IFT25: variants seen among roughly 807,000 people sequenced by gnomAD.
IFT25 encodes the protein intraflagellar transport 25, also known as intraflagellar transport protein 25 homolog.
chr1:53,913,315 G>A, the IFT25 span, among the ~76,000 whole-genome samples: 1 of 152,162 alleles, frequency 6.6e-6, no homozygotes, highest in East Asian at 1.9e-4. Context: ...GCCTGATCCT[G>A]CTTCTCTCAC....
chr1:53,923,724 C>A, the IFT25 span: 1 of 520,746 alleles, frequency 1.9e-6, no homozygotes, highest in Non-Finnish European at 3.4e-6. Flanking sequence ...AGGTAAGAAC[C>A]TAATTTATGA....
the IFT25 span, among the ~76,000 whole-genome samples, chr1:53,938,298 G>A: frequency 6.6e-6 from 1 of 152,108 alleles, no homozygotes; most frequent in Non-Finnish European, 1.5e-5. Flanking sequence ...TCCAGTATTA[G>A]TCAAGTTTGA....
At chr1:53,928,360 T>C in the IFT25 span, 3 of 1,601,948 alleles carry the variant, frequency 1.9e-6, no homozygotes, top group African/African-American at 2.7e-5. Context: ...ACAATGCTGG[T>C]GAAACACATA....
At chr1:53,942,947 T>C in the IFT25 span, among the ~76,000 whole-genome samples, 7 of 152,236 alleles carry the variant, frequency 4.6e-5, no homozygotes, top group African/African-American at 1.7e-4. Flanking sequence ...GGCGTGATAT[T>C]GTTCGGAGGA....
chr1:53,941,174 T>C, the IFT25 span, among the ~76,000 whole-genome samples: 1 of 152,084 alleles, frequency 6.6e-6, no homozygotes, highest in Non-Finnish European at 1.5e-5. Context: ...TTTGTATTTT[T>C]AGTAGAGACG....
the IFT25 span, among the ~76,000 whole-genome samples, chr1:53,915,552 G>A: frequency 6.6e-6 from 1 of 152,164 alleles, no homozygotes; most frequent in Admixed American, 6.5e-5. Context: ...GGGTGACTGC[G>A]TCAGGTCCCT....
chr1:53,913,822 GCACA>G, the IFT25 span, among the ~76,000 whole-genome samples: 1 of 152,132 alleles, frequency 6.6e-6, no homozygotes, highest in Non-Finnish European at 1.5e-5. Context: ...TGCACTCTCT[GCACA>G]CACACACAAA....
At chr1:53,936,975 T>C in the IFT25 span, among the ~76,000 whole-genome samples, 1 of 152,172 alleles carries the variant, frequency 6.6e-6, no homozygotes, top group Non-Finnish European at 1.5e-5. Context: ...TTTATTTAAC[T>C]CTTATTTCTG....
chr1:53,912,478 G>A, the IFT25 span, among the ~76,000 whole-genome samples: 5 of 152,210 alleles, frequency 3.3e-5, no homozygotes, highest in African/African-American at 4.8e-5. Flanking sequence ...GTATATGTTA[G>A]AGTGAAGACT....
At chr1:53,930,576 C>T in the IFT25 span, among the ~76,000 whole-genome samples, 1 of 152,046 alleles carries the variant, frequency 6.6e-6, no homozygotes, top group Non-Finnish European at 1.5e-5. Flanking sequence ...CCTGAAAAAC[C>T]GTTCTTCCCC....
At chr1:53,928,266 A>T in the IFT25 span, 1 of 885,136 alleles carries the variant, frequency 1.1e-6, no homozygotes. Context: ...CACAAGGATC[A>T]TTAAAGTCAT....
At chr1:53,945,022 A>C in the IFT25 span, among the ~76,000 whole-genome samples, 1 of 152,090 alleles carries the variant, frequency 6.6e-6, no homozygotes, top group South Asian at 2.1e-4. Context: ...ACTTTAGAAA[A>C]CACGGACCCG....
At chr1:53,925,335 T>C in the IFT25 span, among the ~76,000 whole-genome samples, 1 of 152,140 alleles carries the variant, frequency 6.6e-6, no homozygotes, top group East Asian at 1.9e-4. Context: ...AATAAACTTT[T>C]TCATTTGCTT....
the IFT25 span, among the ~76,000 whole-genome samples, chr1:53,931,602 C>T: frequency 2.6e-5 from 4 of 152,108 alleles, no homozygotes; most frequent in African/African-American, 7.2e-5. Flanking sequence ...TTTTATAGGT[C>T]GAGCTTTACA....
chr1:53,930,198 C>T, the IFT25 span: 4 of 1,483,456 alleles, frequency 2.7e-6, no homozygotes, highest in South Asian at 1.4e-5. Flanking sequence ...AATGGTTAAT[C>T]ATAAAATTTT....
chr1:53,932,552 T>A, the IFT25 span, among the ~76,000 whole-genome samples: 1 of 152,168 alleles, frequency 6.6e-6, no homozygotes, highest in Non-Finnish European at 1.5e-5. Flanking sequence ...TTCAGCACAT[T>A]TCAGTGAATG....
chr1:53,919,038 C>T, the IFT25 span, among the ~76,000 whole-genome samples: 21 of 152,102 alleles, frequency 1.4e-4, no homozygotes, highest in African/African-American at 4.6e-4. Context: ...AGGGTTTCAC[C>T]GTGTTGGCCA....
the IFT25 span, among the ~76,000 whole-genome samples, chr1:53,932,223 T>C: frequency 1.3e-5 from 2 of 151,860 alleles, no homozygotes; most frequent in African/African-American, 2.4e-5. Flanking sequence ...TGGTGGCACA[T>C]GCCGGTAGTC....
At chr1:53,923,776 T>C in the IFT25 span, 2 of 655,618 alleles carry the variant, frequency 3.1e-6, no homozygotes, top group Non-Finnish European at 5.4e-6. Flanking sequence ...TAACTTTCTC[T>C]ACCGGTTGAT....
Sources: gnomAD v4.1 joint callset for allele counts (sites outside exome capture counted in the v4.1 genomes callset) on GRCh38, gnomAD v4.1.1 for gene constraint, MANE v1.5 for transcripts, NCBI Gene and HGNC (gene_info 2026-07-23, HGNC 2026-07-21) for gene names.